The following SLIT2 variants were observed in gnomAD, a reference collection of about 807,000 sequenced individuals.
The protein encoded by SLIT2 is slit homolog 2 protein.
SLIT2 carries 41 observed loss-of-function variants against 185.7 expected under a neutral mutation model. The observed-to-expected ratio is 0.22, with a 90% CI of 0.17 to 0.29. The LOEUF (loss-of-function observed/expected upper bound fraction) is 0.29, where lower values mean the gene tolerates loss of function less well. Ranked by LOEUF, SLIT2 falls within the 10% of genes least tolerant of loss-of-function variation. The pLI is 1.00. For synonymous variants in SLIT2, 693 were observed against 680.2 expected, an observed-to-expected ratio of 1.02 and a Z score of -0.29; for missense variants, 1,571 against 1,909.0, an observed-to-expected ratio of 0.82 and a Z score of 3.30.
At chr4:20,392,296 A>G (rs1395508626) in intron 4 of SLIT2, 3 of 152,116 alleles carry the variant, frequency 2.0e-5, no homozygotes, top group Admixed American at 1.3e-4. Flanking sequence ...ATACCGAAAT[A>G]TAGAAAAGGT....
At chr4:20,552,380 T>TTA (rs937006405) in intron 25 of SLIT2, 8 of 150,656 alleles carry the variant, frequency 5.3e-5, no homozygotes, top group African/African-American at 1.7e-4. Context: ...TTTTTTTTCT[T>TTA]TATATATATA....
At chr4:20,302,574 G>A (rs1055050873) in intron 4 of SLIT2, among the ~76,000 whole-genome samples, 8 of 152,150 alleles carry the variant, frequency 5.3e-5, no homozygotes, top group African/African-American at 1.9e-4. Flanking sequence ...TTGAGATAAA[G>A]CGTTCATGAG....
At chr4:20,266,181 G>GAAA (rs951484286) in intron 3 of SLIT2, among the ~76,000 whole-genome samples, 1 of 142,278 alleles carries the variant, frequency 7.0e-6, no homozygotes, top group Non-Finnish European at 1.5e-5. Flanking sequence ...TAATAATTAA[G>GAAA]AAAAAAAAAA....
intron 17 of SLIT2, among the ~76,000 whole-genome samples, chr4:20,532,704 G>A (rs1207255720): frequency 6.6e-6 from 1 of 152,100 alleles, no homozygotes; most frequent in East Asian, 1.9e-4. Context: ...ATATGTAACT[G>A]GCCCATAGTC....
In SLIT2 at chr4:20,472,638, C is replaced by CGATATATATA. The variant is rs1560455795; in HGVS notation, c.467+4816_467+4825dup. 2.1e-4 allele frequency among the ~76,000 whole-genome samples: 7 copies of CGATATATATA among 34,060 alleles called. 3 individuals carry two copies. Among genetic ancestry groups the CGATATATATA allele is most frequent in the Non-Finnish European group, 3.1e-4 (5 of 15,966 alleles). The allele number at this position is 34,060 out of a possible 152,430, so 22.3% of individuals were successfully genotyped here. A position where few individuals can be genotyped will look rare whatever the true frequency, so the allele number is the denominator to read the frequency against. On this transcript the variant is annotated intron_variant, in intron 5 of 36. Transcript: ENST00000504154. The stretch of plus-strand genomic sequence containing the variant: ...TATATATCGATATATCTATATATAT[C>CGATATATATA]GATATATATATTTAAAAGCCTTAAC...
At chr4:20,419,383 TTTAC>T (rs1400932345) in intron 4 of SLIT2, among the ~76,000 whole-genome samples, 1 of 152,204 alleles carries the variant, frequency 6.6e-6, no homozygotes, top group African/African-American at 2.4e-5. Flanking sequence ...TATTTAATGA[TTTAC>T]TTACTACTCT....
rs1420386751 is a variant in SLIT2 at position 20,253,370 on chromosome 4, C to T, written c.-446C>T. The T allele has an allele frequency of 1.6e-5, 3 of 184,130 alleles. No individual in the cohort carries two copies. Among genetic ancestry groups the T allele is most frequent in the East Asian group, 3.1e-4 (2 of 6,490 alleles). The allele number at this position is 184,130 out of a possible 1,614,324, so 11.4% of individuals were successfully genotyped here. On this transcript the variant is annotated 5_prime_UTR_variant, in exon 1 of 37. Coordinates refer to ENST00000504154, the MANE Select transcript of SLIT2 (RefSeq NM_004787.4). ...TTGAGATCCCCTCTTCTGTCTTGTA[C>T]CTTCGCCACTGGCATCGGATTTGCA...
At chr4:20,352,091 T>C (rs1342385750) in intron 4 of SLIT2, among the ~76,000 whole-genome samples, 1 of 152,214 alleles carries the variant, frequency 6.6e-6, no homozygotes, top group Non-Finnish European at 1.5e-5. Flanking sequence ...GTGTCAGTGC[T>C]GTATGTCTCT....
At chr4:20,600,269 C>A (rs545116217) in intron 33 of SLIT2, among the ~76,000 whole-genome samples, 2 of 152,096 alleles carry the variant, frequency 1.3e-5, no homozygotes, top group Admixed American at 6.5e-5. Context: ...CAAAATATTT[C>A]TAAATACTTT....
At chr4:20,400,203 ATG>A (rs1368069626) in intron 4 of SLIT2, among the ~76,000 whole-genome samples, 2 of 151,804 alleles carry the variant, frequency 1.3e-5, no homozygotes, top group African/African-American at 2.4e-5. Context: ...AAGTCTTATT[ATG>A]ATGGTTATTC....
chr4:20,470,484 C>CTGTGTGTGTG lies in SLIT2; in HGVS notation c.467+2701_467+2710dup, dbSNP rs540814034. 7.7e-3 allele frequency among the ~76,000 whole-genome samples: 989 copies of CTGTGTGTGTG among 129,252 alleles called. 19 individuals carry two copies. The highest frequency in any genetic ancestry group is 0.021 in the Middle Eastern group (5 of 240). The allele number at this position is 129,252 out of a possible 152,430, so 84.8% of individuals were successfully genotyped here. Reference sequence around the variant, plus strand: ...GAGTAAAACCATAGTGCAGTGGAGTCTGTGTGTGTGTGTGTGTGTGTGTGT... The same window carrying CTGTGTGTGTG: ...GAGTAAAACCATAGTGCAGTGGAGTCTGTGTGTGTGTGTGTGTGTGTGTGTGTGTGTGTGT... On this transcript the variant is annotated intron_variant, in intron 5 of 36. Transcript: ENST00000504154.
In SLIT2 at chr4:20,540,125, A is replaced by C. The variant is rs1306896207; in HGVS notation, c.1976+541A>C. Among the ~76,000 whole-genome samples, 5 of 152,040 alleles carry C rather than the reference A, an allele frequency of 3.3e-5. No homozygotes were observed. The East Asian group carries it at 7.7e-4, about 24-fold the overall frequency. ...ATGGCGAATCCCTGTGTTTACTAAAAATACAAAAAAAAATTAACCAGGCAT... is the reference window on the plus strand; with the variant it reads ...ATGGCGAATCCCTGTGTTTACTAAACATACAAAAAAAAATTAACCAGGCAT... On this transcript the variant is annotated intron_variant, in intron 19 of 36. Coordinates refer to ENST00000504154, the MANE Select transcript of SLIT2 (RefSeq NM_004787.4).
At chr4:20,570,558 T>A (rs1467348844) in intron 29 of SLIT2, among the ~76,000 whole-genome samples, 1 of 151,414 alleles carries the variant, frequency 6.6e-6, no homozygotes, top group Non-Finnish European at 1.5e-5. Context: ...ATAGAATAAT[T>A]CTCTTTTCCA....
At chr4:20,520,144 C>A (rs1000229991) in intron 12 of SLIT2, among the ~76,000 whole-genome samples, 1 of 151,462 alleles carries the variant, frequency 6.6e-6, no homozygotes, top group Non-Finnish European at 1.5e-5. Flanking sequence ...GGATGGTGTG[C>A]GGTGAGCTGT....
At chr4:20,532,227 G>A (rs191264758) in intron 17 of SLIT2, among the ~76,000 whole-genome samples, 169 bp downstream of exon 17, 34 of 152,286 alleles carry the variant, frequency 2.2e-4, no homozygotes, top group Admixed American at 1.9e-3. Context: ...TTTTCTGTGT[G>A]TTCAGCAGTG....
chr4:20,499,523 T>C (rs890072270), intron 9 of SLIT2, among the ~76,000 whole-genome samples: 4 of 152,206 alleles, frequency 2.6e-5, no homozygotes, highest in Non-Finnish European at 4.4e-5. Flanking sequence ...AGAGTCTCGC[T>C]CTGTCATCCA....
chr4:20,423,172 G>A (rs542121857), intron 4 of SLIT2, among the ~76,000 whole-genome samples: 3 of 151,908 alleles, frequency 2.0e-5, no homozygotes, highest in African/African-American at 4.8e-5. Context: ...GTAAATCCAC[G>A]TACAGACATA....
intron 4 of SLIT2, among the ~76,000 whole-genome samples, chr4:20,421,237 C>G (rs372228770): frequency 1.3e-5 from 2 of 152,132 alleles, no homozygotes; most frequent in African/African-American, 4.8e-5. Context: ...TCGCCTTTTC[C>G]AAGAAGTCAG....
At chr4:20,511,611 G>GTTTTTTTTTTT (rs1553915431) in intron 11 of SLIT2, among the ~76,000 whole-genome samples, 2 of 22,468 alleles carry the variant, frequency 8.9e-5, no homozygotes, top group African/African-American at 1.8e-4. Context: ...TTTATTTTTG[G>GTTTTTTTTTTT]TAGAGATGGA....
Sources: allele counts gnomAD v4.1 joint callset (sites outside exome capture counted in the v4.1 genomes callset), GRCh38; gene constraint gnomAD v4.1.1; transcripts MANE v1.5; gene names NCBI Gene and HGNC (gene_info 2026-07-23, HGNC 2026-07-21).